SCAP: variants seen among roughly 807,000 people sequenced by gnomAD.
SCAP encodes the protein SREBF chaperone.
Under a neutral mutation model 123.6 loss-of-function variants are expected in SCAP, and 65 were observed. The observed-to-expected ratio is 0.53, with a 90% confidence interval of 0.43 to 0.65. SCAP has a LOEUF of 0.65. Ranked by LOEUF, SCAP falls within the 30% of genes least tolerant of loss-of-function variation. The pLI is 0.00. For missense variants in SCAP, 1,398 were observed against 1,712.5 expected (o/e 0.82, Z 3.24); for synonymous variants, 740 against 726.3 (o/e 1.02, Z -0.30).
chr3:47,417,780 C>G lies in SCAP; in HGVS notation c.2494G>C (p.Glu832Gln), dbSNP rs1244390592. The G allele has an allele frequency of 6.3e-7, 1 of 1,580,996 alleles. No individual in the cohort carries two copies. Among genetic ancestry groups the G allele is most frequent in the South Asian group, 1.1e-5 (1 of 89,596 alleles). The change falls in exon 17 of 23, where the codon GAG (glutamate) becomes CAG (glutamine). Residue 832 changes from glutamate to glutamine, a missense_variant. Around this residue, in one of 7 missense-constraint regions of SCAP, gnomAD observed 828 missense variants for 882.5 expected, o/e 0.94. Coordinates refer to ENST00000265565, the MANE Select transcript of SCAP (RefSeq NM_012235.4). ...SGVGSGLEAQ[E>Q]SWERLSDGGK... ...CCATCTGAAAGTCGTTCCCAGCTCT[C>G]CTGAGCCTCAAGCCCGCTGCCCACG...
At position 47,419,360 on chromosome 3, in the gene SCAP, G is replaced by A; in HGVS notation, c.1908C>T (p.Leu636=). The change falls in exon 13 of 23, where the codon CTC becomes CTT. Residue 636 remains leucine (L), a synonymous_variant. Transcript: ENST00000265565. The surrounding 1 kb of genome is among the most constrained non-coding windows in gnomAD (Gnocchi z 5.0). ...CCAGTGTGATGTTGTAATAGCTGAAGAGCGTCGGCCAGTGGCGGAAGGACA... is the reference window on the plus strand; with the variant it reads ...CCAGTGTGATGTTGTAATAGCTGAAAAGCGTCGGCCAGTGGCGGAAGGACA... ...RKLSFRHWPT[L]FSYYNITLAK... is the part of the protein sequence containing the mutation. The A allele has an allele frequency of 1.2e-6, 2 of 1,613,362 alleles. No individual in the cohort carries two copies. The highest frequency in any genetic ancestry group is 1.7e-6 in the Non-Finnish European group (2 of 1,179,858).
intron 1 of SCAP, among the ~76,000 whole-genome samples, chr3:47,455,062 C>CAT (rs58460988): frequency 0.031 from 3,920 of 127,628 alleles, 59 homozygotes; most frequent in Admixed American, 0.051. Context: ...AAAAAAATTA[C>CAT]ATATATATAT....
At chr3:47,427,122 G>T in intron 6 of SCAP, 35 bp downstream of exon 6, 1 of 1,470,828 alleles carries the variant, frequency 6.8e-7, no homozygotes, top group Non-Finnish European at 9.5e-7. Flanking sequence ...TCACCCAGCA[G>T]ACCAGTCAAG....
In SCAP at chr3:47,418,373, T is replaced by C. The variant is rs1705731738; in HGVS notation, c.2279A>G (p.Tyr760Cys). ...RGELPCDDYGYAPPETEIVPL... is the reference protein window; with the variant it reads ...RGELPCDDYGCAPPETEIVPL... Reference sequence around the variant, plus strand: ...CACGATCTCCGTCTCGGGTGGCGCATAGCCGTAGTCGTCGCAGGGCAGCTC... The same window carrying C: ...CACGATCTCCGTCTCGGGTGGCGCACAGCCGTAGTCGTCGCAGGGCAGCTC... The change falls in exon 15 of 23, where the codon TAT (tyrosine) becomes TGT (cysteine). Residue 760 changes from tyrosine (Y) to cysteine (C), a missense_variant. Coordinates refer to ENST00000265565, the MANE Select transcript of SCAP (RefSeq NM_012235.4). The C allele has an allele frequency of 7.0e-6, 11 of 1,573,524 alleles. No homozygotes were observed. Among genetic ancestry groups the C allele is most frequent in the Non-Finnish European group, 9.5e-6 (11 of 1,162,432 alleles).
intron 1 of SCAP, among the ~76,000 whole-genome samples, chr3:47,463,402 C>A (rs1707716758): frequency 6.6e-6 from 1 of 152,138 alleles, no homozygotes; most frequent in Non-Finnish European, 1.5e-5. Flanking sequence ...CACTACCCTG[C>A]TCAAAACACT....
In SCAP at chr3:47,442,757, A is replaced by G. The variant is rs1279082222; in HGVS notation, c.122+115T>C. 5 of 872,314 alleles carry G rather than the reference A, an allele frequency of 5.7e-6. No individual in the cohort carries two copies. The African/African-American group carries it at 8.4e-5, about 15-fold the overall frequency. The allele number at this position is 872,314 out of a possible 1,614,324, so 54.0% of individuals were successfully genotyped here. ...TCCACTCACAGTTATAAGGAGCCCA[A>G]GCTCCCATTGTGTAAAAAGCATACA... On this transcript the variant is annotated intron_variant, in intron 2 of 22. Coordinates refer to ENST00000265565, the MANE Select transcript of SCAP (RefSeq NM_012235.4).
intron 1 of SCAP, chr3:47,470,011 A>G: frequency 3.0e-6 from 1 of 331,610 alleles, no homozygotes; most frequent in Non-Finnish European, 6.1e-6. Context: ...CGAACAAAAT[A>G]TCGTTTGGCA....
intron 6 of SCAP, among the ~76,000 whole-genome samples, chr3:47,426,519 G>A (rs530352387): frequency 2.0e-5 from 3 of 152,230 alleles, no homozygotes; most frequent in African/African-American, 7.2e-5. Context: ...CTCACTGCAA[G>A]CTCCGCCTCC....
Position 47,450,187 on chromosome 3 carries a change from G to A in SCAP, c.-98-7096C>T, listed in dbSNP as rs1363111818. ...TAATTTTTATATTTTTGGTAGAAAC[G>A]GGGTTTCACCATGTTGGCCAGGCTG... On this transcript the variant is annotated intron_variant, in intron 1 of 22. Coordinates refer to ENST00000265565, the MANE Select transcript of SCAP (RefSeq NM_012235.4). Among the ~76,000 whole-genome samples the A allele has an allele frequency of 1.1e-4, 13 of 123,546 alleles. 4 individuals carry two copies. Among genetic ancestry groups the A allele is most frequent in the African/African-American group, 1.4e-4 (5 of 36,088 alleles). 81.1% of individuals were successfully genotyped at this position (123,546 alleles called of 152,430 possible).
chr3:47,462,478 G>A (rs1707678543), intron 1 of SCAP, among the ~76,000 whole-genome samples: 1 of 152,042 alleles, frequency 6.6e-6, no homozygotes, highest in African/African-American at 2.4e-5. Context: ...TATGACTTAT[G>A]ATCAAACACC....
At chr3:47,461,648 ACT>A (rs1707643364) in intron 1 of SCAP, among the ~76,000 whole-genome samples, 1 of 151,902 alleles carries the variant, frequency 6.6e-6, no homozygotes, top group African/African-American at 2.4e-5. Flanking sequence ...AACAATCAAC[ACT>A]CTGGTTCCAA....
At chr3:47,434,960 C>A (rs770793348) in intron 3 of SCAP, 48 bp downstream of exon 3, 17 of 1,613,244 alleles carry the variant, frequency 1.1e-5, no homozygotes, top group South Asian at 3.3e-5. Flanking sequence ...CTCAGCCAGT[C>A]TCCACCCAAC....
intron 1 of SCAP, among the ~76,000 whole-genome samples, chr3:47,454,281 G>A (rs1279473694): frequency 2.0e-5 from 3 of 150,234 alleles, no homozygotes; most frequent in Non-Finnish European, 4.4e-5. Flanking sequence ...GCAGGAGAAT[G>A]GTGTGAACCC....
rs1003404394 is a variant in SCAP at position 47,420,758 on chromosome 3, G to A, written c.1359C>T (p.Asn453=). The A allele has an allele frequency of 1.2e-6, 2 of 1,610,582 alleles. No homozygotes were observed. Among genetic ancestry groups the A allele is most frequent in the Non-Finnish European group, 1.7e-6 (2 of 1,179,848 alleles). Residue 453 remains asparagine (N), a synonymous_variant, in exon 12 of 23, where the codon AAC becomes AAT. Coordinates refer to ENST00000265565, the MANE Select transcript of SCAP (RefSeq NM_012235.4). This position sits in a 1 kb window ranked among gnomAD's most constrained non-coding sequence, Gnocchi z 5.0. ...GGCAGGCCTCAGGGGGCAGTCGCTT[G>A]TTCAGGTCTGCTAGCTGTTGGGGGC... ...DIRRMELADL[N]KRLPPEACLP...
chr3:47,462,875 C>T (rs1407143911), intron 1 of SCAP, among the ~76,000 whole-genome samples: 1 of 151,990 alleles, frequency 6.6e-6, no homozygotes, highest in Non-Finnish European at 1.5e-5. Flanking sequence ...TCCCTTCCTG[C>T]TTCCCCATAG....
At chr3:47,472,366 G>C (rs1204177467) in intron 1 of SCAP, among the ~76,000 whole-genome samples, 1 of 150,654 alleles carries the variant, frequency 6.6e-6, no homozygotes, top group Non-Finnish European at 1.5e-5. Context: ...CCCGGGAAGC[G>C]GAGCTTGCAG....
At chr3:47,466,858 C>A (rs141274204) in intron 1 of SCAP, among the ~76,000 whole-genome samples, 199 of 152,148 alleles carry the variant, frequency 1.3e-3, no homozygotes, top group African/African-American at 4.6e-3. Context: ...CCAAGGCAAG[C>A]GGACTGCTTG....
At chr3:47,444,431 C>T (rs1438194003) in intron 1 of SCAP, among the ~76,000 whole-genome samples, 1 of 152,218 alleles carries the variant, frequency 6.6e-6, no homozygotes, top group African/African-American at 2.4e-5. Flanking sequence ...TCTACCTTTC[C>T]GAAAGCAGAA....
chr3:47,419,427 T>G lies in SCAP; in HGVS notation c.1841A>C (p.Glu614Ala). The G allele has an allele frequency of 6.2e-7, 1 of 1,613,836 alleles. No individual in the cohort carries two copies. Among genetic ancestry groups the G allele is most frequent in the African/African-American group, 1.3e-5 (1 of 74,998 alleles). The change falls in exon 13 of 23, where the codon GAG (glutamate) becomes GCG (alanine). Residue 614 changes from glutamate (E) to alanine (A), a missense_variant. Physicochemically the swap from Glu to Ala is moderately radical, Grantham distance 107. Coordinates refer to ENST00000265565, the MANE Select transcript of SCAP (RefSeq NM_012235.4). This position sits in a 1 kb window ranked among gnomAD's most constrained non-coding sequence, Gnocchi z 5.0. ...CTCATCCTCAGGCCCCCAGGTTACC[T>G]CTGGGACTGGGCTGTCATGGACAAC... ...AEVVHDSPVP[E>A]VTWGPEDEEL...
Sources: allele counts gnomAD v4.1 joint callset (sites outside exome capture counted in the v4.1 genomes callset), GRCh38; gene constraint gnomAD v4.1.1; regional missense constraint gnomAD v4.1.1; non-coding constraint Gnocchi (gnomAD v3.1); transcripts MANE v1.5; gene names NCBI Gene and HGNC (gene_info 2026-07-23, HGNC 2026-07-21).